PCNX2: variants seen among roughly 807,000 people sequenced by gnomAD.
PCNX2 encodes pecanex 2.
A neutral mutation model predicts 223.8 loss-of-function variants in PCNX2; 168 were observed. The ratio of observed to expected loss-of-function variants is 0.75; its 90% CI spans 0.66 to 0.85. The LOEUF (loss-of-function observed/expected upper bound fraction) is 0.85. Ranked by LOEUF, PCNX2 falls within the 40% of genes least tolerant of loss-of-function variation. PCNX2 has a pLI of 0.00. For missense variants in PCNX2, 2,507 were observed against 2,675.5 expected, an observed-to-expected ratio of 0.94 and a Z score of 1.39; for synonymous variants, 1,006 against 1,052.6, an observed-to-expected ratio of 0.96 and a Z score of 0.86.
chr1:233,013,643 T>C (rs1481121891), intron 28 of PCNX2, among the ~76,000 whole-genome samples: 1 of 152,078 alleles, frequency 6.6e-6, no homozygotes, highest in Non-Finnish European at 1.5e-5. Flanking sequence ...CCATCAATAA[T>C]ATAATATAGA....
chr1:233,019,068 T>C, intron 26 of PCNX2: 1 of 985,336 alleles, frequency 1.0e-6, no homozygotes, highest in African/African-American at 1.7e-5. Flanking sequence ...TCAAGTTTAC[T>C]TGGGTATCTG....
At chr1:232,985,927 C>T in intron 33 of PCNX2, 165 bp downstream of exon 33, 1 of 754,124 alleles carries the variant, frequency 1.3e-6, no homozygotes, top group Non-Finnish European at 2.3e-6. Flanking sequence ...GCAGCTAAGC[C>T]ACTTCGTGTC....
In PCNX2 at chr1:233,000,421, C is replaced by T. The variant is rs781553040; in HGVS notation, c.5212G>A (p.Ala1738Thr). The change falls in exon 30 of 34, where the codon GCA (alanine) becomes ACA (threonine). Residue 1738 changes from alanine (A) to threonine (T), a missense_variant. By Grantham distance (58) the Ala-to-Thr change is moderately conservative. This residue lies in a region of PCNX2 where 1,372 missense variants were observed against 1,509.4 expected (regional missense o/e 0.91). Coordinates refer to ENST00000258229, the MANE Select transcript of PCNX2 (RefSeq NM_014801.4). The surrounding 1 kb of genome is among the most constrained non-coding windows in gnomAD (Gnocchi z 4.6). ...CHEGDPAWRG[A>T]VLSNKEELLT... is the part of the protein sequence containing the mutation. ...AGCTCTTCCTTGTTGGACAGCACTG[C>T]GCCCCGCCAGGCCGGGTCGCCCTCG... is the stretch of plus-strand genomic sequence containing the variant. 3.4e-5 allele frequency: 55 copies of T among 1,605,012 alleles called. No individual in the cohort carries two copies. Among genetic ancestry groups the T allele is most frequent in the African/African-American group, 4.0e-5 (3 of 74,708 alleles).
intron 26 of PCNX2, among the ~76,000 whole-genome samples, chr1:233,024,931 G>A (rs770841112): frequency 6.6e-6 from 1 of 152,160 alleles, no homozygotes; most frequent in Non-Finnish European, 1.5e-5. Flanking sequence ...GCTTATTGGT[G>A]CCTAAGCTTA....
intron 19 of PCNX2, among the ~76,000 whole-genome samples, chr1:233,151,665 C>G (rs1811881): frequency 0.69 from 103,979 of 151,696 alleles, 36,210 homozygotes; most frequent in African/African-American, 0.82. Flanking sequence ...TCCTGTCTTT[C>G]TATCTTTTAT....
intron 1 of PCNX2, among the ~76,000 whole-genome samples, chr1:233,292,468 C>T (rs1172840582): frequency 6.6e-6 from 1 of 152,088 alleles, no homozygotes; most frequent in Non-Finnish European, 1.5e-5. Context: ...CTTGGCCTCC[C>T]AAAGTGCTGG....
chr1:233,252,540 T>A (rs1289888131), intron 6 of PCNX2, 41 bp from the exon 7 acceptor site: 2 of 1,583,658 alleles, frequency 1.3e-6, no homozygotes, highest in Non-Finnish European at 1.7e-6. Flanking sequence ...GATTAGAAGT[T>A]CCTCCTTATC....
At chr1:233,289,677 C>G (rs1418537652) in intron 1 of PCNX2, among the ~76,000 whole-genome samples, 1 of 152,234 alleles carries the variant, frequency 6.6e-6, no homozygotes, top group Non-Finnish European at 1.5e-5. Flanking sequence ...GACCAAATAT[C>G]AAGGTTCTGG....
At chr1:233,131,118 C>T (rs564335709) in intron 21 of PCNX2, among the ~76,000 whole-genome samples, 2 of 152,176 alleles carry the variant, frequency 1.3e-5, no homozygotes, top group Non-Finnish European at 2.9e-5. Flanking sequence ...CTTCATTAAC[C>T]TCAGAGCCCT....
intron 25 of PCNX2, chr1:233,033,303 T>G: frequency 1.4e-6 from 1 of 691,292 alleles, no homozygotes; most frequent in Non-Finnish European, 1.8e-6. Context: ...TGAAAGCAAA[T>G]GAAGAAATTT....
intron 7 of PCNX2, among the ~76,000 whole-genome samples, 194 bp from the exon 8 acceptor site, chr1:233,251,026 T>C (rs1206338335): frequency 1.3e-5 from 2 of 152,210 alleles, no homozygotes; most frequent in Non-Finnish European, 1.5e-5. Flanking sequence ...TGAAAGAAAC[T>C]TTACTAAGAA....
intron 23 of PCNX2, among the ~76,000 whole-genome samples, chr1:233,073,048 A>G (rs1239436826): frequency 6.6e-6 from 1 of 152,124 alleles, no homozygotes; most frequent in Non-Finnish European, 1.5e-5. Flanking sequence ...AAAATTACTG[A>G]TTAATTCTTT....
intron 21 of PCNX2, among the ~76,000 whole-genome samples, chr1:233,122,527 C>CTT (rs58508596): frequency 0.017 from 2,505 of 145,654 alleles, 22 homozygotes; most frequent in Middle Eastern, 0.021. Context: ...TATTATATAT[C>CTT]TTTTTTTTTT....
intron 15 of PCNX2, among the ~76,000 whole-genome samples, chr1:233,187,010 C>G (rs1187506655): frequency 6.6e-6 from 1 of 152,142 alleles, no homozygotes; most frequent in African/African-American, 2.4e-5. Flanking sequence ...TGTAGCACAC[C>G]TTTTATGTGA....
At chr1:233,261,646 T>C (rs1660048551) in intron 3 of PCNX2, among the ~76,000 whole-genome samples, 1 of 152,226 alleles carries the variant, frequency 6.6e-6, no homozygotes. Context: ...GGTGATTTAT[T>C]GACTTCCCAA....
chr1:233,076,206 C>A (rs1460614937), intron 23 of PCNX2, among the ~76,000 whole-genome samples: 8 of 152,076 alleles, frequency 5.3e-5, no homozygotes, highest in Non-Finnish European at 7.4e-5. Context: ...AGGTCCAATG[C>A]CATTTATTTG....
intron 32 of PCNX2, among the ~76,000 whole-genome samples, chr1:232,993,614 A>G (rs1204001998): frequency 6.6e-6 from 1 of 152,274 alleles, no homozygotes; most frequent in African/African-American, 2.4e-5. Context: ...AGAAATTTGC[A>G]TAAGTAACAA....
intron 19 of PCNX2, among the ~76,000 whole-genome samples, chr1:233,146,677 T>C (rs974559726): frequency 6.6e-6 from 1 of 152,112 alleles, no homozygotes; most frequent in Admixed American, 6.5e-5. Context: ...AAAATGTAAA[T>C]GAAGAGAAAT....
intron 21 of PCNX2, among the ~76,000 whole-genome samples, chr1:233,109,461 C>T (rs752874591): frequency 2.0e-5 from 3 of 152,112 alleles, no homozygotes; most frequent in Non-Finnish European, 2.9e-5. Context: ...GGGTAATCTC[C>T]GCAGAGAGAT....
Sources: allele counts gnomAD v4.1 joint callset (sites outside exome capture counted in the v4.1 genomes callset), GRCh38; gene constraint gnomAD v4.1.1; regional missense constraint gnomAD v4.1.1; non-coding constraint Gnocchi (gnomAD v3.1); transcripts MANE v1.5; gene names NCBI Gene and HGNC (gene_info 2026-07-23, HGNC 2026-07-21).